The following ASIC2 variants were observed in gnomAD, a reference collection of about 807,000 sequenced individuals.
ASIC2 encodes acid sensing ion channel subunit 2, also known as acid-sensing ion channel 2.
Under a neutral mutation model 57.3 loss-of-function variants are expected in ASIC2, and 25 were observed. That is an observed-to-expected ratio of 0.44 (90% CI 0.32 to 0.61). ASIC2 has a LOEUF of 0.61. Among genes scored for constraint, ASIC2 ranks in the 20% least tolerant of loss-of-function variants. The probability of loss-of-function intolerance (pLI) is 0.06; values close to 1 mark genes in which losing one functional copy is unlikely to be tolerated. For synonymous variants in ASIC2, 319 were observed against 307.5 expected (o/e 1.04, Z -0.39); for missense variants, 641 against 738.1 (o/e 0.87, Z 1.52).
chr17:33,213,631 A>G (rs953364316), intron 1 of ASIC2, among the ~76,000 whole-genome samples: 8 of 152,124 alleles, frequency 5.3e-5, no homozygotes, highest in Admixed American at 3.9e-4. Flanking sequence ...AAATGTTTCA[A>G]CTTTAGCTTT....
chr17:33,387,464 T>G (rs1909728039), intron 1 of ASIC2, among the ~76,000 whole-genome samples: 1 of 152,190 alleles, frequency 6.6e-6, no homozygotes, highest in Non-Finnish European at 1.5e-5. Context: ...GTTAGGACCT[T>G]TATCATTTTT....
At chr17:33,247,507 C>T (rs1379504846) in intron 1 of ASIC2, among the ~76,000 whole-genome samples, 2 of 152,140 alleles carry the variant, frequency 1.3e-5, no homozygotes, top group South Asian at 4.1e-4. Flanking sequence ...CACCTAAAAT[C>T]GTCTCTAGTT....
At chr17:33,528,222 G>T (rs1233825807) in intron 1 of ASIC2, among the ~76,000 whole-genome samples, 1 of 122,042 alleles carries the variant, frequency 8.2e-6, no homozygotes, top group Non-Finnish European at 1.8e-5. Context: ...AGGTGAGGCA[G>T]GGAGCCAGTG....
intron 1 of ASIC2, among the ~76,000 whole-genome samples, chr17:33,649,674 T>C (rs1906856977): frequency 6.6e-6 from 1 of 152,134 alleles, no homozygotes; most frequent in South Asian, 2.1e-4. Context: ...GGTGGAGGAA[T>C]AGACACACAT....
At chr17:33,280,881 A>G (rs1904916377) in intron 1 of ASIC2, among the ~76,000 whole-genome samples, 1 of 152,058 alleles carries the variant, frequency 6.6e-6, no homozygotes, top group Non-Finnish European at 1.5e-5. Context: ...GTGCCATTTC[A>G]AAGTGGCAAA....
intron 3 of ASIC2, among the ~76,000 whole-genome samples, chr17:33,079,439 G>A (rs965446302): frequency 1.3e-5 from 2 of 152,134 alleles, no homozygotes; most frequent in Non-Finnish European, 2.9e-5. Context: ...AATGTGGCTG[G>A]GGTGTTGTGT....
chr17:33,894,162 G>C (rs9898582), intron 1 of ASIC2, among the ~76,000 whole-genome samples: 3 of 152,048 alleles, frequency 2.0e-5, no homozygotes, highest in Non-Finnish European at 2.9e-5. Flanking sequence ...ACCCCCTTAG[G>C]GGGTGGAGAA....
chr17:33,102,437 G>T, intron 2 of ASIC2, among the ~76,000 whole-genome samples: 1 of 152,160 alleles, frequency 6.6e-6, no homozygotes, highest in East Asian at 1.9e-4. Context: ...AATTTCACCA[G>T]GATGTGTCTT....
intron 1 of ASIC2, chr17:33,793,657 T>C (rs1911836281): frequency 6.6e-6 from 1 of 152,266 alleles, no homozygotes; most frequent in Admixed American, 6.5e-5. Flanking sequence ...GCCAAATCCA[T>C]GTATTCTTGC....
intron 1 of ASIC2, among the ~76,000 whole-genome samples, chr17:33,575,637 G>A (rs544768992): frequency 2.0e-5 from 3 of 152,280 alleles, no homozygotes; most frequent in African/African-American, 4.8e-5. Context: ...AAAACTGTAC[G>A]GAGATAAATG....
chr17:33,371,473 G>A (rs982143382), intron 1 of ASIC2, among the ~76,000 whole-genome samples: 5 of 152,144 alleles, frequency 3.3e-5, no homozygotes, highest in African/African-American at 1.2e-4. Context: ...AAAAATAATT[G>A]AGCTCTTTGA....
At chr17:33,423,148 A>T (rs994654167) in intron 1 of ASIC2, among the ~76,000 whole-genome samples, 3 of 152,204 alleles carry the variant, frequency 2.0e-5, no homozygotes, top group Non-Finnish European at 4.4e-5. Context: ...GCCATACATT[A>T]GACTCACTTA....
At chr17:33,168,352 T>G (rs191919944) in intron 1 of ASIC2, among the ~76,000 whole-genome samples, 30 of 152,294 alleles carry the variant, frequency 2.0e-4, no homozygotes, top group Non-Finnish European at 3.7e-4. Context: ...TGAAATAATT[T>G]GGAAAAGCAG....
At chr17:33,175,462 T>C (rs951738160) in intron 1 of ASIC2, among the ~76,000 whole-genome samples, 1 of 144,624 alleles carries the variant, frequency 6.9e-6, no homozygotes, top group Non-Finnish European at 1.5e-5. Flanking sequence ...TGTTATTTTA[T>C]TGTTTTTTTT....
chr17:33,970,249 G>A (rs977178943), intron 1 of ASIC2, among the ~76,000 whole-genome samples: 8 of 152,166 alleles, frequency 5.3e-5, no homozygotes, highest in Non-Finnish European at 8.8e-5. Context: ...CCCCTGGGTG[G>A]CAAAGTTGCC....
chr17:34,053,551 A>G (rs1001628824), intron 1 of ASIC2, among the ~76,000 whole-genome samples: 5 of 152,246 alleles, frequency 3.3e-5, no homozygotes, highest in African/African-American at 9.6e-5. Context: ...AGTATATACT[A>G]TATGCCACAC....
At chr17:33,846,615 C>A (rs1362348992) in intron 1 of ASIC2, among the ~76,000 whole-genome samples, 3 of 152,136 alleles carry the variant, frequency 2.0e-5, no homozygotes, top group Admixed American at 2.0e-4. Flanking sequence ...TGACTCCTTT[C>A]AAAACTGGAT....
chr17:33,114,502 G>A (rs952678201), intron 1 of ASIC2, among the ~76,000 whole-genome samples: 1 of 152,198 alleles, frequency 6.6e-6, no homozygotes, highest in African/African-American at 2.4e-5. Flanking sequence ...GAAGGGATTT[G>A]CAAGCAAAAG....
intron 1 of ASIC2, among the ~76,000 whole-genome samples, chr17:33,929,517 A>C (rs916747133): frequency 1.3e-5 from 2 of 152,166 alleles, no homozygotes; most frequent in Admixed American, 6.5e-5. Context: ...CAGAGTATAC[A>C]GGCTTCCCTG....
Sources: allele counts gnomAD v4.1 joint callset (sites outside exome capture counted in the v4.1 genomes callset), GRCh38; gene constraint gnomAD v4.1.1; transcripts MANE v1.5; gene names NCBI Gene and HGNC (gene_info 2026-07-23, HGNC 2026-07-21).